Variants in TBC1D9B observed in about 807,000 individuals in gnomAD.
TBC1D9B encodes the protein TBC1 domain family member 9B.
TBC1D9B carries 87 observed loss-of-function variants against 121.1 expected under a neutral mutation model. That is an observed-to-expected ratio of 0.72 (90% CI 0.60 to 0.86). The LOEUF (loss-of-function observed/expected upper bound fraction) is 0.86, where lower values mean the gene tolerates loss of function less well. TBC1D9B is among the 40% of genes least tolerant of loss of function. TBC1D9B has a pLI of 0.00. For missense variants in TBC1D9B, 1,540 were observed against 1,628.6 expected (o/e 0.95, Z 0.94); for synonymous variants, 668 against 670.1 (o/e 1.00, Z 0.05).
At chr5:179,886,676 C>A (rs1760694936) in intron 7 of TBC1D9B, among the ~76,000 whole-genome samples, 1 of 152,254 alleles carries the variant, frequency 6.6e-6, no homozygotes, top group Non-Finnish European at 1.5e-5. Context: ...GCATGGAGGA[C>A]ACGCACAGCC....
intron 4 of TBC1D9B, 24 bp downstream of exon 4, chr5:179,894,362 G>A: frequency 1.3e-6 from 2 of 1,592,204 alleles, no homozygotes; most frequent in Non-Finnish European, 1.7e-6. Context: ...GTGGGGGCTG[G>A]GGCACACTGA....
rs566750781 is a variant in TBC1D9B at position 179,866,042 on chromosome 5, G to C, written c.2864-154C>G. ...TCTCCCATGCCACACCTCCTGCCTGGCCCGCCCAGCCCCGCCCTATGGCAC... is the reference window on the plus strand; with the variant it reads ...TCTCCCATGCCACACCTCCTGCCTGCCCCGCCCAGCCCCGCCCTATGGCAC... On this transcript the variant is annotated intron_variant, in intron 18 of 20. Transcript: ENST00000355235. 1,723 of 795,016 alleles carry C rather than the reference G, an allele frequency of 2.2e-3. 16 individuals carry two copies. The highest frequency in any genetic ancestry group is 2.5e-4 in the Non-Finnish European group (124 of 487,670). The allele number at this position is 795,016 out of a possible 1,614,324, so 49.2% of individuals were successfully genotyped here.
Position 179,893,428 on chromosome 5 carries a change from T to C in TBC1D9B, c.617A>G (p.Glu206Gly), listed in dbSNP as rs543531969. The change falls in exon 5 of 21, where the codon GAG (glutamate) becomes GGG (glycine). Residue 206 changes from glutamate (E) to glycine (G), a missense_variant. Physicochemically the swap from Glu to Gly is moderately conservative, Grantham distance 98. Transcript: ENST00000355235. Reference sequence around the variant, plus strand: ...GGGGAAGAGCAGGGTGGCGTTCTTCTCCAGACGCGTTATGTCCACCCACTG... The same window carrying C: ...GGGGAAGAGCAGGGTGGCGTTCTTCCCCAGACGCGTTATGTCCACCCACTG... ...VVQWVDITRL[E>G]KNATLLFPES... is the part of the protein sequence containing the mutation. The C allele has an allele frequency of 2.5e-6, 4 of 1,613,030 alleles. No individual in the cohort carries two copies. The Admixed American group carries it at 6.7e-5, about 27-fold the overall frequency.
intron 7 of TBC1D9B, among the ~76,000 whole-genome samples, chr5:179,886,589 T>C (rs1760692631): frequency 1.3e-5 from 2 of 152,214 alleles, no homozygotes; most frequent in African/African-American, 2.4e-5. Flanking sequence ...CTCACTGACG[T>C]AGTAATTTAT....
At position 179,865,408 on chromosome 5, in the gene TBC1D9B, G is replaced by A; in HGVS notation, c.2915-48C>T. The A allele has an allele frequency of 1.3e-6, 2 of 1,562,606 alleles. No individual in the cohort carries two copies. On this transcript the variant is annotated intron_variant, in intron 19 of 20. Transcript: ENST00000355235. This position sits in a 1 kb window ranked among gnomAD's most constrained non-coding sequence, Gnocchi z 5.1. ...TTAATCTTTGTCATGTGAGACGGCT[G>A]CGGGCTGACAGCAGGGAGAGGAAGA...
Position 179,865,973 on chromosome 5 carries a change from G to A in TBC1D9B, c.2864-85C>T, listed in dbSNP as rs745838740. 1.9e-6 allele frequency: 3 copies of A among 1,545,736 alleles called. No individual in the cohort carries two copies. The highest frequency in any genetic ancestry group is 2.7e-6 in the Non-Finnish European group (3 of 1,120,094). Reference sequence around the variant, plus strand: ...TCCTGGGGTCCTTGAGATGTAGTCTGTGTTTCTGTACAGCCAGCCCCAGGC... The same window carrying A: ...TCCTGGGGTCCTTGAGATGTAGTCTATGTTTCTGTACAGCCAGCCCCAGGC... On this transcript the variant is annotated intron_variant, in intron 18 of 20. Transcript: ENST00000355235. This position sits in a 1 kb window ranked among gnomAD's most constrained non-coding sequence, Gnocchi z 5.1.
Position 179,902,480 on chromosome 5 carries a change from A to G in TBC1D9B, c.229+2222T>C, listed in dbSNP as rs577605267. Among the ~76,000 whole-genome samples, 12 of 152,292 alleles carry G rather than the reference A, an allele frequency of 7.9e-5. No homozygotes were observed. Among genetic ancestry groups the G allele is most frequent in the African/African-American group, 2.4e-4 (10 of 41,572 alleles). On this transcript the variant is annotated intron_variant, in intron 2 of 20. Coordinates refer to ENST00000355235, the MANE Select transcript of TBC1D9B (RefSeq NM_015043.4). The surrounding 1 kb of genome is among the most constrained non-coding windows in gnomAD (Gnocchi z 4.9). ...GCTTCTGGGGCCTAGCCTGGCTGGC[A>G]GGAAAGGGAGGCACAGCCAGGGCCA...
In TBC1D9B at chr5:179,863,539, A is replaced by G; in HGVS notation, c.3611T>C (p.Val1204Ala). 1.9e-6 allele frequency: 3 copies of G among 1,613,836 alleles called. No homozygotes were observed. The highest frequency in any genetic ancestry group is 3.3e-4 in the Middle Eastern group (2 of 6,060). The change falls in exon 21 of 21, where the codon GTG becomes GCG. Residue 1204 changes from valine (V) to alanine (A), a missense_variant. By Grantham distance (64) the Val-to-Ala change is moderately conservative. Transcript: ENST00000355235. This position sits in a 1 kb window ranked among gnomAD's most constrained non-coding sequence, Gnocchi z 4.5. ...SVLVNFFEKRVDIGLKIKDQK... is the reference protein window; with the variant it reads ...SVLVNFFEKRADIGLKIKDQK... ...GTCCTTGATCTTGAGTCCAATGTCC[A>G]CTCTCTTCTCAAAGAAGTTCACCAG... is the stretch of plus-strand genomic sequence containing the variant.
chr5:179,898,619 T>G (rs1761079297), intron 3 of TBC1D9B, among the ~76,000 whole-genome samples: 1 of 152,024 alleles, frequency 6.6e-6, no homozygotes, highest in African/African-American at 2.4e-5. Flanking sequence ...TGGCTAATTT[T>G]TGTATTTTTA....
Position 179,894,478 on chromosome 5 carries a change from C to G in TBC1D9B, c.485G>C (p.Cys162Ser). 6.2e-7 allele frequency: 1 copy of G among 1,614,190 alleles called. No homozygotes were observed. Among genetic ancestry groups the G allele is most frequent in the South Asian group, 1.1e-5 (1 of 91,086 alleles). Residue 162 changes from cysteine (C) to serine (S), a missense_variant, in exon 4 of 21, where the codon TGC becomes TCC. Physicochemically the swap from Cys to Ser is moderately radical, Grantham distance 112. Coordinates refer to ENST00000355235, the MANE Select transcript of TBC1D9B (RefSeq NM_015043.4). ...GGGCACGCGGCCCTTCCAGTAGCTGCAGGAGTAGTAATTCACCAGCTTCTC... is the reference window on the plus strand; with the variant it reads ...GGGCACGCGGCCCTTCCAGTAGCTGGAGGAGTAGTAATTCACCAGCTTCTC... ...EGEKLVNYYS[C>S]SYWKGRVPRQ...
At position 179,894,653 on chromosome 5, in the gene TBC1D9B, G is replaced by C. The variant is rs773235337; in HGVS notation, c.349-39C>G. On this transcript the variant is annotated intron_variant, in intron 3 of 20. Transcript: ENST00000355235. Reference sequence around the variant, plus strand: ...AGAGGACAAGGGCTTGCCCTGCACAGTCCCGGACAGGTCAAAGGGTGGAGC... The same window carrying C: ...AGAGGACAAGGGCTTGCCCTGCACACTCCCGGACAGGTCAAAGGGTGGAGC... 3 of 1,606,496 alleles carry C rather than the reference G, an allele frequency of 1.9e-6. No homozygotes were observed. In the African/African-American group the frequency reaches 4.0e-5, roughly 22 times the overall value.
intron 10 of TBC1D9B, among the ~76,000 whole-genome samples, chr5:179,877,699 G>T (rs927106180): frequency 4.1e-5 from 6 of 147,548 alleles, no homozygotes; most frequent in Non-Finnish European, 9.0e-5. Context: ...GAAAAGAAAA[G>T]AAAATGTGGT....
chr5:179,871,652 C>G, intron 14 of TBC1D9B, 122 bp from the exon 15 acceptor site: 1 of 1,040,914 alleles, frequency 9.6e-7, no homozygotes, highest in East Asian at 2.6e-5. Context: ...TCTCAGTGGC[C>G]CAGCACTCAA....
chr5:179,898,458 T>A lies in TBC1D9B; in HGVS notation c.348+731A>T, dbSNP rs950077622. Among the ~76,000 whole-genome samples the A allele has an allele frequency of 2.7e-5, 4 of 150,052 alleles. 1 individual carries two copies. Among genetic ancestry groups the A allele is most frequent in the Admixed American group, 2.6e-4 (4 of 15,112 alleles). ...CTGAGCCACCGCACCTGGCCTTTTT[T>A]TTTTAATTGAGATGGAGTCTCACTC... On this transcript the variant is annotated intron_variant, in intron 3 of 20. Transcript: ENST00000355235.
chr5:179,887,778 A>G (rs1329258517), intron 7 of TBC1D9B: 2 of 367,336 alleles, frequency 5.4e-6, no homozygotes, highest in Non-Finnish European at 9.9e-6. Context: ...ATGGGAACAA[A>G]GCCGAAGTGT....
At position 179,862,788 on chromosome 5, in the gene TBC1D9B, T is replaced by C. The variant is rs1759882142; in HGVS notation, c.*660A>G. On this transcript the variant is annotated 3_prime_UTR_variant, in exon 21 of 21. Transcript: ENST00000355235. ...AAGGCATTGAGCACAGTGTAATTTC[T>C]AGCCAAGTGAAATGAATCCAAGGAA... is the stretch of plus-strand genomic sequence containing the variant. 1 of 340,106 alleles carries C rather than the reference T, an allele frequency of 2.9e-6. No homozygotes were observed. The allele number at this position is 340,106 out of a possible 1,614,324, so 21.1% of individuals were successfully genotyped here.
In TBC1D9B at chr5:179,874,881, A is replaced by G; in HGVS notation, c.2186+21T>C. On this transcript the variant is annotated intron_variant, in intron 12 of 20. Coordinates refer to ENST00000355235, the MANE Select transcript of TBC1D9B (RefSeq NM_015043.4). This position sits in a 1 kb window ranked among gnomAD's most constrained non-coding sequence, Gnocchi z 4.3. ...GGTTCTGCTGTGAGCCCCCAGCAGG[A>G]GAAGGAACCCGGCATGTCACCTGCC... The G allele has an allele frequency of 6.2e-7, 1 of 1,609,260 alleles. No homozygotes were observed. Among genetic ancestry groups the G allele is most frequent in the South Asian group, 1.1e-5 (1 of 90,922 alleles).
chr5:179,904,624 C>A lies in TBC1D9B; in HGVS notation c.229+78G>T. The A allele has an allele frequency of 7.9e-7, 1 of 1,266,124 alleles. No homozygotes were observed. Among genetic ancestry groups the A allele is most frequent in the Admixed American group, 2.1e-5 (1 of 48,222 alleles). 78.4% of individuals were successfully genotyped at this position (1,266,124 alleles called of 1,614,324 possible). A position where few individuals can be genotyped will look rare whatever the true frequency, so the allele number is the denominator to read the frequency against. On this transcript the variant is annotated intron_variant, in intron 2 of 20. Transcript: ENST00000355235. This position sits in a 1 kb window ranked among gnomAD's most constrained non-coding sequence, Gnocchi z 4.2. ...AGGGAATACCACCCAGACACGTGGGCTACACACCCCTTCCTCTCGGCAACG... is the reference window on the plus strand; with the variant it reads ...AGGGAATACCACCCAGACACGTGGGATACACACCCCTTCCTCTCGGCAACG...
rs1481139189 is a variant in TBC1D9B at position 179,871,447 on chromosome 5, GCT to G, written c.2484+13_2484+14del. 6.2e-7 allele frequency: 1 copy of G among 1,611,404 alleles called. No individual in the cohort carries two copies. The highest frequency in any genetic ancestry group is 2.2e-5 in the East Asian group (1 of 44,888). ...GAAGCTAGGAACGGGTCCTGCCCTG[GCT>G]CTGAGCTGTCACCTTAAACACCATG... On this transcript the variant is annotated intron_variant, in intron 15 of 20. Coordinates refer to ENST00000355235, the MANE Select transcript of TBC1D9B (RefSeq NM_015043.4).
Sources: gnomAD v4.1 joint callset for allele counts (sites outside exome capture counted in the v4.1 genomes callset) on GRCh38, gnomAD v4.1.1 for gene constraint, Gnocchi (gnomAD v3.1) non-coding constraint, MANE v1.5 for transcripts, NCBI Gene and HGNC (gene_info 2026-07-23, HGNC 2026-07-21) for gene names.